SOX1: variants seen among roughly 807,000 people sequenced by gnomAD.
SOX1 encodes the protein transcription factor SOX-1.
Under a neutral mutation model 0.9 loss-of-function variants are expected in SOX1, and 1 was observed. That is an observed-to-expected ratio of 1.07 (90% CI 0.38 to 5.06). The LOEUF (loss-of-function observed/expected upper bound fraction) is 5.06, where lower values mean the gene tolerates loss of function less well. Ranked by LOEUF, SOX1 falls within the 30% of genes most tolerant of loss-of-function variation. The pLI is 0.16. For missense variants in SOX1, 564 were observed against 534.4 expected (o/e 1.06, Z -0.55); for synonymous variants, 397 against 265.5 (o/e 1.50, Z -4.81).
Position 112,070,823 on chromosome 13 carries a change from G to A in SOX1, c.*1989G>A, listed in dbSNP as rs775874466. ...TTAAAGTGATTACAAAAAAGTTCAA[G>A]AATGATGTCCACTGCTTTCTAACAA... is the stretch of plus-strand genomic sequence containing the variant. On this transcript the variant is annotated 3_prime_UTR_variant, in exon 1 of 1. Transcript: ENST00000330949. 1.4e-4 allele frequency among the ~76,000 whole-genome samples: 22 copies of A among 152,024 alleles called. No individual in the cohort carries two copies. Among genetic ancestry groups the A allele is most frequent in the Non-Finnish European group, 2.6e-4 (18 of 68,032 alleles).
rs961041475 is a variant in SOX1 at position 112,068,941 on chromosome 13, A to G, written c.*107A>G. On this transcript the variant is annotated 3_prime_UTR_variant, in exon 1 of 1. Coordinates refer to ENST00000330949, the MANE Select transcript of SOX1 (RefSeq NM_005986.3). This position sits in a 1 kb window ranked among gnomAD's most constrained non-coding sequence, Gnocchi z 6.9. The stretch of plus-strand genomic sequence containing the variant: ...GCGTGGCTTTTGTACAGACGTTCCC[A>G]CATTCTTGTCAAAAGGAAAATACTG... 1.2e-6 allele frequency: 1 copy of G among 867,558 alleles called. No homozygotes were observed. Among genetic ancestry groups the G allele is most frequent in the East Asian group, 4.8e-5 (1 of 20,954 alleles). 53.7% of individuals were successfully genotyped at this position (867,558 alleles called of 1,614,324 possible).
In SOX1 at chr13:112,067,546, C is replaced by A; in HGVS notation, c.-113C>A. The A allele has an allele frequency of 2.4e-6, 1 of 419,184 alleles. No homozygotes were observed. Among genetic ancestry groups the A allele is most frequent in the Non-Finnish European group, 3.3e-6 (1 of 299,186 alleles). 26.0% of individuals were successfully genotyped at this position (419,184 alleles called of 1,614,324 possible). The stretch of plus-strand genomic sequence containing the variant: ...CTCCCCATTCTTCTCTCCGCTAGGA[C>A]CCCCCCGCCCCCGTCTCACTCCGTC... On this transcript the variant is annotated 5_prime_UTR_variant, in exon 1 of 1. Coordinates refer to ENST00000330949, the MANE Select transcript of SOX1 (RefSeq NM_005986.3). The surrounding 1 kb of genome is among the most constrained non-coding windows in gnomAD (Gnocchi z 5.1).
rs1006436673 is a variant in SOX1, at chr13:112,070,713, A to T, written c.*1879A>T. Among the ~76,000 whole-genome samples the T allele has an allele frequency of 1.3e-5, 2 of 152,220 alleles. No homozygotes were observed. The highest frequency in any genetic ancestry group is 4.8e-5 in the African/African-American group (2 of 41,452). On this transcript the variant is annotated 3_prime_UTR_variant, in exon 1 of 1. Transcript: ENST00000330949. ...GAACCGAATTCAGCCTGCATTCGAG[A>T]ATAGCTTTAAGTATAATGCTGATCT... is the stretch of plus-strand genomic sequence containing the variant.
At position 112,069,723 on chromosome 13, in the gene SOX1, T is replaced by C. The variant is rs1880837088; in HGVS notation, c.*889T>C. The C allele has an allele frequency of 6.0e-6, 1 of 167,048 alleles. No homozygotes were observed. The highest frequency in any genetic ancestry group is 1.5e-5 in the Non-Finnish European group (1 of 68,110). The allele number at this position is 167,048 out of a possible 1,614,324, so 10.3% of individuals were successfully genotyped here. On this transcript the variant is annotated 3_prime_UTR_variant, in exon 1 of 1. Transcript: ENST00000330949. ...GGAAATCTGACAGGGAAATTATCTG[T>C]ATGAACTAAAAGTAAGGGAACCCCG...
Position 112,068,351 on chromosome 13 carries a change from G to GCACCCGCAC in SOX1, c.703_711dup (p.His235_His237dup), listed in dbSNP as rs773577503. On this transcript the variant is annotated inframe_insertion, in exon 1 of 1. Transcript: ENST00000330949. The surrounding 1 kb of genome is among the most constrained non-coding windows in gnomAD (Gnocchi z 6.9). ...ACCCGCACGCGCACCCCGCGCACCCGCACCCGCACCACCCGCACGCGCACC... is the reference window on the plus strand; with the variant it reads ...ACCCGCACGCGCACCCCGCGCACCCGCACCCGCACCACCCGCACCACCCGCACGCGCACC... 8.9e-6 allele frequency: 11 copies of GCACCCGCAC among 1,241,732 alleles called. No individual in the cohort carries two copies. The highest frequency in any genetic ancestry group is 5.4e-5 in the East Asian group (1 of 18,690). 76.9% of individuals were successfully genotyped at this position (1,241,732 alleles called of 1,614,324 possible).
At position 112,067,683 on chromosome 13, in the gene SOX1, G is replaced by A. The variant is rs775874402; in HGVS notation, c.25G>A (p.Asp9Asn). 14 of 1,278,900 alleles carry A rather than the reference G, an allele frequency of 1.1e-5. No individual in the cohort carries two copies. Among genetic ancestry groups the A allele is most frequent in the Non-Finnish European group, 1.4e-5 (14 of 1,002,826 alleles). The allele number at this position is 1,278,900 out of a possible 1,614,324, so 79.2% of individuals were successfully genotyped here. Residue 9 changes from aspartate to asparagine, a missense_variant, in exon 1 of 1, where the codon GAC (aspartate) becomes AAC (asparagine). Asp to Asn is a conservative substitution (Grantham distance 23, BLOSUM62 1). Transcript: ENST00000330949. The surrounding 1 kb of genome is among the most constrained non-coding windows in gnomAD (Gnocchi z 5.1). MYSMMMETDLHSPGGAQAP... is the reference protein window; with the variant it reads MYSMMMETNLHSPGGAQAP... ...GATGTACAGCATGATGATGGAGACC[G>A]ACCTGCACTCGCCCGGCGGCGCCCA...
In SOX1 at chr13:112,067,607, C is replaced by T; in HGVS notation, c.-52C>T. 1 of 1,151,560 alleles carries T rather than the reference C, an allele frequency of 8.7e-7. No individual in the cohort carries two copies. The highest frequency in any genetic ancestry group is 1.1e-6 in the Non-Finnish European group (1 of 908,466). 71.3% of individuals were successfully genotyped at this position (1,151,560 alleles called of 1,614,324 possible). A position where few individuals can be genotyped will look rare whatever the true frequency, so the allele number is the denominator to read the frequency against. On this transcript the variant is annotated 5_prime_UTR_variant, in exon 1 of 1. Coordinates refer to ENST00000330949, the MANE Select transcript of SOX1 (RefSeq NM_005986.3). The surrounding 1 kb of genome is among the most constrained non-coding windows in gnomAD (Gnocchi z 5.1). ...TCCGTCTCCCTCCCACCCCGGCCGT[C>T]TATGCTCCAGGCCCTCTCCTCGCGG...
At position 112,067,357 on chromosome 13, in the gene SOX1, C is replaced by T. The variant is rs2138615097; in HGVS notation, c.-302C>T. Among the ~76,000 whole-genome samples, 1 of 152,298 alleles carries T rather than the reference C, an allele frequency of 6.6e-6. No individual in the cohort carries two copies. The highest frequency in any genetic ancestry group is 1.9e-4 in the East Asian group (1 of 5,148). Reference sequence around the variant, plus strand: ...GCCACGACTGCACCTGTTTGCACCGCTCCGCCGAGGGCGCCTGGGCTGCGG... The same window carrying T: ...GCCACGACTGCACCTGTTTGCACCGTTCCGCCGAGGGCGCCTGGGCTGCGG... On this transcript the variant is annotated 5_prime_UTR_variant, in exon 1 of 1. Transcript: ENST00000330949. The surrounding 1 kb of genome is among the most constrained non-coding windows in gnomAD (Gnocchi z 5.1).
rs1295200692 is a variant in SOX1 at position 112,068,852 on chromosome 13, G to A, written c.*18G>A. 5.0e-6 allele frequency: 6 copies of A among 1,208,540 alleles called. No homozygotes were observed. Among genetic ancestry groups the A allele is most frequent in the South Asian group, 4.1e-5 (1 of 24,482 alleles). The allele number at this position is 1,208,540 out of a possible 1,614,324, so 74.9% of individuals were successfully genotyped here. A position where few individuals can be genotyped will look rare whatever the true frequency, so the allele number is the denominator to read the frequency against. On this transcript the variant is annotated 3_prime_UTR_variant, in exon 1 of 1. Transcript: ENST00000330949. The surrounding 1 kb of genome is among the most constrained non-coding windows in gnomAD (Gnocchi z 6.9). The stretch of plus-strand genomic sequence containing the variant: ...ACATCTAGCGCCTTCGGGACGCCGG[G>A]GACTCTGCGGCGGCGACCCACGAGC...
Position 112,068,785 on chromosome 13 carries a change from A to AGGGCGT in SOX1, c.1132_1133insTGGGCG (p.Gly377_Ala378insValGly), listed in dbSNP as rs1880805452. On this transcript the variant is annotated inframe_insertion, in exon 1 of 1. Transcript: ENST00000330949. This position sits in a 1 kb window ranked among gnomAD's most constrained non-coding sequence, Gnocchi z 6.9. ...CTGCACTCGCTGCCGCAGCACTACC[A>AGGGCGT]GGGCGCGGGCGCGGGCGTGAACGGC... is the stretch of plus-strand genomic sequence containing the variant. The AGGGCGT allele has an allele frequency of 8.6e-7, 1 of 1,168,710 alleles. No homozygotes were observed. The highest frequency in any genetic ancestry group is 3.5e-5 in the East Asian group (1 of 28,258). 72.4% of individuals were successfully genotyped at this position (1,168,710 alleles called of 1,614,324 possible). A position where few individuals can be genotyped will look rare whatever the true frequency, so the allele number is the denominator to read the frequency against.
Position 112,071,704 on chromosome 13 carries a change from G to A in SOX1, c.*2870G>A, listed in dbSNP as rs1180636737. Among the ~76,000 whole-genome samples the A allele has an allele frequency of 6.6e-6, 1 of 152,128 alleles. No homozygotes were observed. Among genetic ancestry groups the A allele is most frequent in the Non-Finnish European group, 1.5e-5 (1 of 68,032 alleles). ...ACTTCATTCACTTCCCAAATCACAGGGTGGTGCTTCTGTCGCTTAGTCCAA... is the reference window on the plus strand; with the variant it reads ...ACTTCATTCACTTCCCAAATCACAGAGTGGTGCTTCTGTCGCTTAGTCCAA... On this transcript the variant is annotated 3_prime_UTR_variant, in exon 1 of 1. Transcript: ENST00000330949.
In SOX1 at chr13:112,071,158, CCCCTGTGCT is replaced by C. The variant is rs1875863714; in HGVS notation, c.*2328_*2336del. On this transcript the variant is annotated 3_prime_UTR_variant, in exon 1 of 1. Transcript: ENST00000330949. ...TGACTGACGTCCACTCTCAGTCTGG[CCCCTGTGCT>C]CCCCTGTGTGTACCCTGGAGTTTCT... Among the ~76,000 whole-genome samples the C allele has an allele frequency of 6.6e-6, 1 of 152,230 alleles. No homozygotes were observed. The highest frequency in any genetic ancestry group is 2.1e-4 in the South Asian group (1 of 4,830).
chr13:112,068,652 T>G lies in SOX1; in HGVS notation c.994T>G (p.Ser332Ala). 4 of 1,157,334 alleles carry G rather than the reference T, an allele frequency of 3.5e-6. No homozygotes were observed. Among genetic ancestry groups the G allele is most frequent in the Non-Finnish European group, 4.3e-6 (4 of 940,724 alleles). The allele number at this position is 1,157,334 out of a possible 1,614,324, so 71.7% of individuals were successfully genotyped here. A position where few individuals can be genotyped will look rare whatever the true frequency, so the allele number is the denominator to read the frequency against. Residue 332 changes from serine to alanine, a missense_variant, in exon 1 of 1, where the codon TCG (serine) becomes GCG (alanine). By Grantham distance (99) the Ser-to-Ala change is moderately conservative. Coordinates refer to ENST00000330949, the MANE Select transcript of SOX1 (RefSeq NM_005986.3). This position sits in a 1 kb window ranked among gnomAD's most constrained non-coding sequence, Gnocchi z 6.9. Reference sequence around the variant, plus strand: ...CGGCAGCCCGCCCGCCCCAGCGCACTCGCGGGCGCCGTGCCCCGGGGACCT... The same window carrying G: ...CGGCAGCCCGCCCGCCCCAGCGCACGCGCGGGCGCCGTGCCCCGGGGACCT... ...PSGSPPAPAHSRAPCPGDLRE... is the reference protein window; with the variant it reads ...PSGSPPAPAHARAPCPGDLRE...
rs1880797384 is a variant in SOX1, at chr13:112,068,562, G to T, written c.904G>T (p.Ala302Ser). Residue 302 changes from alanine (A) to serine (S), a missense_variant, in exon 1 of 1, where the codon GCG becomes TCG. Physicochemically the swap from Ala to Ser is moderately conservative, Grantham distance 99. Transcript: ENST00000330949. The surrounding 1 kb of genome is among the most constrained non-coding windows in gnomAD (Gnocchi z 6.9). ...GAACTCGGCCGTGGCGGCGGCGGCG[G>T]CGGCGGCGGCCGCGTCGTCGGGCGC... The part of the protein sequence containing the change: ...HQNSAVAAAA[A>S]AAAASSGALG... 6 of 1,014,254 alleles carry T rather than the reference G, an allele frequency of 5.9e-6. No homozygotes were observed. The highest frequency in any genetic ancestry group is 1.7e-5 in the African/African-American group (1 of 57,194). The allele number at this position is 1,014,254 out of a possible 1,614,324, so 62.8% of individuals were successfully genotyped here.
At position 112,071,650 on chromosome 13, in the gene SOX1, TATG is replaced by T. The variant is rs1228090962; in HGVS notation, c.*2822_*2824del. Among the ~76,000 whole-genome samples the T allele has an allele frequency of 6.6e-6, 1 of 152,158 alleles. No individual in the cohort carries two copies. Among genetic ancestry groups the T allele is most frequent in the African/African-American group, 2.4e-5 (1 of 41,446 alleles). On this transcript the variant is annotated 3_prime_UTR_variant, in exon 1 of 1. Transcript: ENST00000330949. ...ATCGTATTCACGGAGTGAAATACTATATGATGATAGTTATTATATTATATGACG... is the reference window on the plus strand; with the variant it reads ...ATCGTATTCACGGAGTGAAATACTATATGATAGTTATTATATTATATGACG...
Position 112,070,373 on chromosome 13 carries a change from T to G in SOX1, c.*1539T>G, listed in dbSNP as rs548914489. On this transcript the variant is annotated 3_prime_UTR_variant, in exon 1 of 1. Transcript: ENST00000330949. ...TTTGATGCTTTAAATTTTTTAATTA[T>G]ATTATTTTCTAGGTGTTTATTGGTA... 697 of 167,066 alleles carry G rather than the reference T, an allele frequency of 4.2e-3. 4 individuals carry two copies. Among genetic ancestry groups the G allele is most frequent in the Non-Finnish European group, 5.6e-4 (38 of 68,110 alleles). The allele number at this position is 167,066 out of a possible 1,614,324, so 10.3% of individuals were successfully genotyped here. A position where few individuals can be genotyped will look rare whatever the true frequency, so the allele number is the denominator to read the frequency against.
In SOX1 at chr13:112,067,157, C is replaced by T. The variant is rs962695427; in HGVS notation, c.-502C>T. Among the ~76,000 whole-genome samples the T allele has an allele frequency of 3.3e-5, 5 of 150,310 alleles. No homozygotes were observed. The highest frequency in any genetic ancestry group is 7.4e-5 in the Non-Finnish European group (5 of 67,464). ...CCCGGGCACCTGGGACCAGCACATG[C>T]CCAGCGCACGCGGCGCGCCGCCCTG... On this transcript the variant is annotated 5_prime_UTR_variant, in exon 1 of 1. Coordinates refer to ENST00000330949, the MANE Select transcript of SOX1 (RefSeq NM_005986.3). This position sits in a 1 kb window ranked among gnomAD's most constrained non-coding sequence, Gnocchi z 5.1.
In SOX1 at chr13:112,068,099, T is replaced by A. The variant is rs1880772839; in HGVS notation, c.441T>A (p.Gly147=). ...GCGGGCTCCTGGCGGCCGGCGCGGG[T>A]GGCGGCGGCGCGGCTGTGGCCATGG... ...LAGGLLAAGA[G]GGGAAVAMGV... The change falls in exon 1 of 1, where the codon GGT becomes GGA. Residue 147 remains glycine (G), a synonymous_variant. Transcript: ENST00000330949. The surrounding 1 kb of genome is among the most constrained non-coding windows in gnomAD (Gnocchi z 6.9). 2.7e-6 allele frequency: 4 copies of A among 1,504,054 alleles called. No homozygotes were observed. The highest frequency in any genetic ancestry group is 4.1e-5 in the Admixed American group (2 of 48,546). 93.2% of individuals were successfully genotyped at this position (1,504,054 alleles called of 1,614,324 possible).
In SOX1 at chr13:112,068,303, G is replaced by C. The variant is rs1198712498; in HGVS notation, c.645G>C (p.Gln215His). 9.7e-7 allele frequency: 1 copy of C among 1,032,388 alleles called. No individual in the cohort carries two copies. The highest frequency in any genetic ancestry group is 1.2e-6 in the Non-Finnish European group (1 of 852,320). 64.0% of individuals were successfully genotyped at this position (1,032,388 alleles called of 1,614,324 possible). Residue 215 changes from glutamine (Q) to histidine (H), a missense_variant, in exon 1 of 1, where the codon CAG becomes CAC. Transcript: ENST00000330949. The surrounding 1 kb of genome is among the most constrained non-coding windows in gnomAD (Gnocchi z 6.9). ...MMQEAQLAYG[Q>H]HPGAGGAHPH... ...AGGAGGCGCAGCTGGCCTACGGGCA[G>C]CACCCGGGCGCGGGCGGCGCGCACC...
Sources: gnomAD v4.1 joint callset for allele counts (sites outside exome capture counted in the v4.1 genomes callset) on GRCh38, gnomAD v4.1.1 for gene constraint, Gnocchi (gnomAD v3.1) non-coding constraint, MANE v1.5 for transcripts, NCBI Gene and HGNC (gene_info 2026-07-23, HGNC 2026-07-21) for gene names.